Variants in CELSR1 observed in about 807,000 individuals in gnomAD.
CELSR1 encodes the protein cadherin EGF LAG seven-pass G-type receptor 1.
A neutral mutation model predicts 249.1 loss-of-function variants in CELSR1; 110 were observed. The ratio of observed to expected loss-of-function variants is 0.44; its 90% CI spans 0.38 to 0.52. CELSR1 has a LOEUF of 0.52. CELSR1 is among the 20% of genes least tolerant of loss of function. The pLI, the probability that CELSR1 is intolerant of heterozygous loss-of-function variation, is 0.00. For synonymous variants in CELSR1, 2,113 were observed against 1,900.0 expected (o/e 1.11, Z -2.92); for missense variants, 4,109 against 4,296.4 (o/e 0.96, Z 1.22).
chr22:46,516,776 G>A (rs1352874268), intron 1 of CELSR1, among the ~76,000 whole-genome samples: 1 of 152,136 alleles, frequency 6.6e-6, no homozygotes, highest in Non-Finnish European at 1.5e-5. Flanking sequence ...CCAGGCACAC[G>A]ACTCTCTCAG....
chr22:46,431,338 A>G (rs1467690950), intron 5 of CELSR1, among the ~76,000 whole-genome samples: 3 of 152,252 alleles, frequency 2.0e-5, no homozygotes, highest in African/African-American at 7.2e-5. Flanking sequence ...CTGCAACTGC[A>G]GACACACTGT....
intron 28 of CELSR1, among the ~76,000 whole-genome samples, chr22:46,367,486 G>A (rs1256006680): frequency 6.6e-6 from 1 of 152,200 alleles, no homozygotes; most frequent in Non-Finnish European, 1.5e-5. Context: ...CTGTTCCCTG[G>A]AGACACAAGT....
rs143753951 is a variant in CELSR1, at chr22:46,536,388, G to T, written c.783C>A (p.Gly261=). 10 of 1,612,062 alleles carry T rather than the reference G, an allele frequency of 6.2e-6. No homozygotes were observed. Among genetic ancestry groups the T allele is most frequent in the African/African-American group, 2.7e-5 (2 of 74,932 alleles). Residue 261 remains glycine, a synonymous_variant, in exon 1 of 35, where the codon GGC becomes GGA. Coordinates refer to ENST00000674500, the MANE Select transcript of CELSR1 (RefSeq NM_001378328.1). ...GCGCGTGCAGCTGGAGGATGAGGGT[G>T]CCCGCCGGTTCGTTCTCAAACAACG... ...QVALFENEPA[G]TLILQLHAHY...
At chr22:46,509,008 C>T (rs1199177691) in intron 1 of CELSR1, among the ~76,000 whole-genome samples, 2 of 152,334 alleles carry the variant, frequency 1.3e-5, no homozygotes, top group Non-Finnish European at 2.9e-5. Flanking sequence ...CTGGGCAGGA[C>T]AGGCCAGCGC....
In CELSR1 at chr22:46,408,331, A is replaced by G. The variant is rs1312562536; in HGVS notation, c.5226+665T>C. Among the ~76,000 whole-genome samples, 3 of 152,104 alleles carry G rather than the reference A, an allele frequency of 2.0e-5. No individual in the cohort carries two copies. Among genetic ancestry groups the G allele is most frequent in the Non-Finnish European group, 4.4e-5 (3 of 67,992 alleles). The stretch of plus-strand genomic sequence containing the variant: ...TGGACGTGCATTGGTGCCAACCACC[A>G]CCTGGCTGTGGCTTTTTGAGATGGA... On this transcript the variant is annotated intron_variant, in intron 9 of 34. Coordinates refer to ENST00000674500, the MANE Select transcript of CELSR1 (RefSeq NM_001378328.1). The surrounding 1 kb of genome is among the most constrained non-coding windows in gnomAD (Gnocchi z 4.6).
chr22:46,372,794 A>G lies in CELSR1; in HGVS notation c.7759+89T>C, dbSNP rs1345665107. On this transcript the variant is annotated intron_variant, in intron 25 of 34. Coordinates refer to ENST00000674500, the MANE Select transcript of CELSR1 (RefSeq NM_001378328.1). ...GGCTGGACAAGCATTGGGGCTGGGC[A>G]GGGAAGAGAAAGGAGGGCAGCGTTC... 4.1e-6 allele frequency: 6 copies of G among 1,463,504 alleles called. No homozygotes were observed. The East Asian group carries it at 1.4e-4, about 34-fold the overall frequency. 90.7% of individuals were successfully genotyped at this position (1,463,504 alleles called of 1,614,324 possible).
intron 1 of CELSR1, chr22:46,481,910 T>G (rs1346868521): frequency 1.1e-5 from 2 of 176,306 alleles, no homozygotes; most frequent in Non-Finnish European, 2.4e-5. Flanking sequence ...GTAGCTGGGA[T>G]TACAGGCATG....
chr22:46,377,053 G>A lies in CELSR1; in HGVS notation c.7584+8C>T. On this transcript the variant is annotated splice_region_variant and intron_variant, in intron 24 of 34. Coordinates refer to ENST00000674500, the MANE Select transcript of CELSR1 (RefSeq NM_001378328.1). Reference sequence around the variant, plus strand: ...CAGACAGTGGGGAGGGGAGCAGAGTGGCCATACCGGGTTTTCCGTCTGGTT... The same window carrying A: ...CAGACAGTGGGGAGGGGAGCAGAGTAGCCATACCGGGTTTTCCGTCTGGTT... 1.9e-6 allele frequency: 3 copies of A among 1,612,332 alleles called. No homozygotes were observed. The highest frequency in any genetic ancestry group is 2.5e-6 in the Non-Finnish European group (3 of 1,179,718).
At chr22:46,485,128 A>G (rs150832405) in intron 1 of CELSR1, among the ~76,000 whole-genome samples, 9 of 152,126 alleles carry the variant, frequency 5.9e-5, no homozygotes, top group African/African-American at 2.2e-4. Flanking sequence ...CCAACAGAGA[A>G]AGTGTGTGTG....
In CELSR1 at chr22:46,409,314, C is replaced by G; in HGVS notation, c.5060-152G>C. ...TCTGAGCCTCCCCTCTGTGACGCATCCAGCCCTCACAGTCAGCCACGTGGG... is the reference window on the plus strand; with the variant it reads ...TCTGAGCCTCCCCTCTGTGACGCATGCAGCCCTCACAGTCAGCCACGTGGG... On this transcript the variant is annotated intron_variant, in intron 8 of 34. Coordinates refer to ENST00000674500, the MANE Select transcript of CELSR1 (RefSeq NM_001378328.1). This position sits in a 1 kb window ranked among gnomAD's most constrained non-coding sequence, Gnocchi z 9.8. 2 of 738,188 alleles carry G rather than the reference C, an allele frequency of 2.7e-6. No homozygotes were observed. The highest frequency in any genetic ancestry group is 5.6e-5 in the East Asian group (2 of 35,574). 45.7% of individuals were successfully genotyped at this position (738,188 alleles called of 1,614,324 possible).
chr22:46,442,422 G>A (rs2079762348), intron 2 of CELSR1, among the ~76,000 whole-genome samples: 1 of 152,202 alleles, frequency 6.6e-6, no homozygotes, highest in African/African-American at 2.4e-5. Context: ...GCAGCACGCT[G>A]TGGGGTGGCT....
In CELSR1 at chr22:46,386,457, T is replaced by C; in HGVS notation, c.6684A>G (p.Ala2228=). ...RRLEGYFSNV[A]RNVRRTYLRP... is the part of the protein sequence containing the mutation. ...GCAGGTACGTCCGCCGCACGTTGCG[T>C]GCCACGTTGCTGAAGTAGCCCTCGA... The change falls in exon 19 of 35, where the codon GCA becomes GCG. Residue 2228 remains alanine, a synonymous_variant. Transcript: ENST00000674500. 6.2e-7 allele frequency: 1 copy of C among 1,603,938 alleles called. No individual in the cohort carries two copies. Among genetic ancestry groups the C allele is most frequent in the Non-Finnish European group, 8.5e-7 (1 of 1,175,892 alleles).
At chr22:46,463,577 ACACCTGGG>A in intron 2 of CELSR1, 122 bp downstream of exon 2, 1 of 976,578 alleles carries the variant, frequency 1.0e-6, no homozygotes, top group Non-Finnish European at 1.4e-6. Context: ...CGTGGAGCCC[ACACCTGGG>A]CCCAGCGCCC....
chr22:46,421,994 C>A (rs930557579), intron 5 of CELSR1, among the ~76,000 whole-genome samples: 2 of 152,250 alleles, frequency 1.3e-5, no homozygotes, highest in Non-Finnish European at 2.9e-5. Flanking sequence ...GCCTGCATGG[C>A]CACCTCCTTT....
At chr22:46,533,369 C>G (rs575099745) in intron 1 of CELSR1, among the ~76,000 whole-genome samples, 2 of 152,258 alleles carry the variant, frequency 1.3e-5, no homozygotes, top group Non-Finnish European at 2.9e-5. Context: ...AGGCGCTGAT[C>G]CCCGGTCTTG....
intron 9 of CELSR1, among the ~76,000 whole-genome samples, chr22:46,400,498 A>G (rs1043002356): frequency 1.2e-4 from 18 of 151,992 alleles, no homozygotes; most frequent in African/African-American, 4.1e-4. Context: ...TTAGCCAGGC[A>G]TGGTGGCAGG....
intron 1 of CELSR1, among the ~76,000 whole-genome samples, chr22:46,521,060 TC>T (rs1302671969): frequency 6.6e-6 from 1 of 152,206 alleles, no homozygotes; most frequent in African/African-American, 2.4e-5. Flanking sequence ...AGAATTTCCG[TC>T]CTTTTTCAGG....
At chr22:46,532,304 C>T (rs546655541) in intron 1 of CELSR1, among the ~76,000 whole-genome samples, 34 of 152,320 alleles carry the variant, frequency 2.2e-4, no homozygotes, top group African/African-American at 6.3e-4. Context: ...CCGGTTAATT[C>T]GCCCTTAAGG....
In CELSR1 at chr22:46,379,159, G is replaced by A. The variant is rs191683909; in HGVS notation, c.7257-442C>T. On this transcript the variant is annotated intron_variant, in intron 22 of 34. Coordinates refer to ENST00000674500, the MANE Select transcript of CELSR1 (RefSeq NM_001378328.1). Reference sequence around the variant, plus strand: ...GTCCCGTCTCCTTCTGAGGGCAGACGCTCTCAGAAAGGACATCTCACCTTC... The same window carrying A: ...GTCCCGTCTCCTTCTGAGGGCAGACACTCTCAGAAAGGACATCTCACCTTC... 2.3e-3 allele frequency among the ~76,000 whole-genome samples: 355 copies of A among 152,290 alleles called. 1 individual carries two copies. The highest frequency in any genetic ancestry group is 5.2e-3 in the Admixed American group (79 of 15,300).
Sources: allele counts gnomAD v4.1 joint callset (sites outside exome capture counted in the v4.1 genomes callset), GRCh38; gene constraint gnomAD v4.1.1; non-coding constraint Gnocchi (gnomAD v3.1); transcripts MANE v1.5; gene names NCBI Gene and HGNC (gene_info 2026-07-23, HGNC 2026-07-21).